The following CTNNA2 variants were observed in gnomAD, a reference collection of about 807,000 sequenced individuals.
CTNNA2 encodes catenin alpha-2.
In CTNNA2, 42 loss-of-function variants were observed where a neutral mutation model predicts 101.0. The ratio of observed to expected loss-of-function variants is 0.42; its 90% CI spans 0.32 to 0.54. The LOEUF (loss-of-function observed/expected upper bound fraction) is 0.54. Among genes scored for constraint, CTNNA2 ranks in the 20% least tolerant of loss-of-function variants. The pLI, the probability that CTNNA2 is intolerant of heterozygous loss-of-function variation, is 0.14. For synonymous variants in CTNNA2, 450 were observed against 456.4 expected (o/e 0.99, Z 0.18); for missense variants, 871 against 1,223.1 (o/e 0.71, Z 4.29).
At chr2:79,380,256 C>G (rs1341698438) in intron 4 of CTNNA2, among the ~76,000 whole-genome samples, 7 of 74,960 alleles carry the variant, frequency 9.3e-5, no homozygotes, top group African/African-American at 1.3e-4. Flanking sequence ...CTGTTCTTTT[C>G]TTTCTTTTTT....
chr2:79,768,379 C>T (rs562415730), intron 3 of CTNNA2, among the ~76,000 whole-genome samples: 1 of 150,804 alleles, frequency 6.6e-6, no homozygotes, highest in Admixed American at 6.6e-5. Flanking sequence ...TCAGTGATAC[C>T]GTGTTAAAAC....
chr2:79,883,650 T>A (rs190446382), intron 6 of CTNNA2, among the ~76,000 whole-genome samples: 1 of 152,242 alleles, frequency 6.6e-6, no homozygotes, highest in Admixed American at 6.5e-5. Context: ...GAAAACAAAC[T>A]TTCAATAGTG....
chr2:79,737,893 A>G lies in CTNNA2; in HGVS notation c.103-6494A>G, dbSNP rs1418642153. On this transcript the variant is annotated intron_variant, in intron 2 of 18. Transcript: ENST00000402739. ...CCAAGACAAAGTGCCTTGATGCCCT[A>G]TTGCCTATTATTTTGGAGAAAGAAG... Among the ~76,000 whole-genome samples, 4 of 152,192 alleles carry G rather than the reference A, an allele frequency of 2.6e-5. No individual in the cohort carries two copies. The East Asian group carries it at 5.8e-4, about 22-fold the overall frequency.
chr2:80,016,437 C>T (rs1395576166), intron 7 of CTNNA2, among the ~76,000 whole-genome samples: 1 of 152,082 alleles, frequency 6.6e-6, no homozygotes. Context: ...CTAAGCAAGC[C>T]CAGTCAGCCA....
chr2:79,529,156 G>A (rs1672592472), intron 1 of CTNNA2, among the ~76,000 whole-genome samples: 1 of 152,104 alleles, frequency 6.6e-6, no homozygotes, highest in African/African-American at 2.4e-5. Context: ...TAAATTTAAG[G>A]CTCAACAAAT....
chr2:80,480,866 G>A (rs1264435280), intron 9 of CTNNA2, among the ~76,000 whole-genome samples: 1 of 151,988 alleles, frequency 6.6e-6, no homozygotes, highest in African/African-American at 2.4e-5. Context: ...TAAATGTGTA[G>A]GAAAGCACTT....
At chr2:79,937,028 T>C (rs770473068) in intron 7 of CTNNA2, among the ~76,000 whole-genome samples, 18 of 152,206 alleles carry the variant, frequency 1.2e-4, no homozygotes, top group Non-Finnish European at 2.5e-4. Context: ...AATAATGCCA[T>C]TGACCTCCAG....
intron 4 of CTNNA2, among the ~76,000 whole-genome samples, chr2:79,408,830 G>A (rs1678373019): frequency 1.3e-5 from 2 of 151,734 alleles, no homozygotes; most frequent in South Asian, 4.2e-4. Flanking sequence ...TGGGATGGCT[G>A]GGTCAAATGG....
At chr2:79,400,136 A>G (rs781559993) in intron 4 of CTNNA2, among the ~76,000 whole-genome samples, 2 of 152,090 alleles carry the variant, frequency 1.3e-5, no homozygotes, top group African/African-American at 2.4e-5. Flanking sequence ...TCATAAATAG[A>G]TAAGAGACAA....
intron 7 of CTNNA2, among the ~76,000 whole-genome samples, chr2:79,934,169 T>C (rs1006346396): frequency 1.3e-5 from 2 of 152,248 alleles, no homozygotes; most frequent in African/African-American, 4.8e-5. Flanking sequence ...TATTTTAATT[T>C]TGCCTATCAT....
chr2:79,471,387 A>G (rs1670997187), intron 4 of CTNNA2, among the ~76,000 whole-genome samples: 1 of 152,040 alleles, frequency 6.6e-6, no homozygotes, highest in Non-Finnish European at 1.5e-5. Flanking sequence ...GGATGAGGGT[A>G]CTCTTCTGAG....
chr2:79,375,127 A>G (rs940905131), intron 4 of CTNNA2, among the ~76,000 whole-genome samples: 1 of 152,088 alleles, frequency 6.6e-6, no homozygotes, highest in South Asian at 2.1e-4. Context: ...TTACTATTTC[A>G]TTCTGTTCTG....
chr2:79,995,614 C>G (rs999977579), intron 7 of CTNNA2, among the ~76,000 whole-genome samples: 1 of 152,110 alleles, frequency 6.6e-6, no homozygotes, highest in Non-Finnish European at 1.5e-5. Flanking sequence ...AGCTCAAGAC[C>G]AGCCTGAGCA....
intron 7 of CTNNA2, among the ~76,000 whole-genome samples, chr2:80,020,784 T>TA (rs1694499990): frequency 6.6e-6 from 1 of 152,060 alleles, no homozygotes; most frequent in Non-Finnish European, 1.5e-5. Context: ...CATGCACAAT[T>TA]AATCTACTGG....
At chr2:80,445,908 A>G (rs996826565) in intron 9 of CTNNA2, among the ~76,000 whole-genome samples, 5 of 152,180 alleles carry the variant, frequency 3.3e-5, no homozygotes, top group Non-Finnish European at 5.9e-5. Context: ...CGTCTCTTAT[A>G]GGATGTGTAG....
chr2:79,922,315 G>A (rs1686717409), intron 7 of CTNNA2, among the ~76,000 whole-genome samples: 1 of 152,074 alleles, frequency 6.6e-6, no homozygotes, highest in Non-Finnish European at 1.5e-5. Flanking sequence ...TTTAAAAAAA[G>A]ACATTGGCCT....
At chr2:80,520,789 C>T (rs1280097238) in intron 9 of CTNNA2, among the ~76,000 whole-genome samples, 4 of 152,182 alleles carry the variant, frequency 2.6e-5, no homozygotes, top group Non-Finnish European at 5.9e-5. Context: ...AGCAAGAAGC[C>T]GGCTGCACCT....
intron 3 of CTNNA2, among the ~76,000 whole-genome samples, chr2:79,369,421 G>A (rs937569638): frequency 3.9e-5 from 6 of 152,104 alleles, no homozygotes; most frequent in Non-Finnish European, 7.3e-5. Context: ...CCGGGAGATT[G>A]TCTGTTCCTG....
chr2:79,482,265 G>A (rs1671116826), intron 4 of CTNNA2, among the ~76,000 whole-genome samples: 1 of 152,170 alleles, frequency 6.6e-6, no homozygotes, highest in Non-Finnish European at 1.5e-5. Context: ...AAAGGATTAG[G>A]AGTTGGAGAT....
Sources: allele counts gnomAD v4.1 joint callset (sites outside exome capture counted in the v4.1 genomes callset), GRCh38; gene constraint gnomAD v4.1.1; transcripts MANE v1.5; gene names NCBI Gene and HGNC (gene_info 2026-07-23, HGNC 2026-07-21).